PAOX: variants seen among roughly 807,000 people sequenced by gnomAD.
The protein encoded by PAOX is polyamine oxidase.
In PAOX, 38 loss-of-function variants were observed where a neutral mutation model predicts 39.0. That is an observed-to-expected ratio of 0.97 (90% CI 0.75 to 1.28). The LOEUF is 1.28. Among genes scored for constraint, PAOX ranks in the 50% most tolerant of loss-of-function variants. The probability of loss-of-function intolerance (pLI) is 0.00; values close to 1 mark genes in which losing one functional copy is unlikely to be tolerated. For synonymous variants in PAOX, 311 were observed against 314.4 expected, an observed-to-expected ratio of 0.99 and a Z score of 0.11; for missense variants, 667 against 685.7, an observed-to-expected ratio of 0.97 and a Z score of 0.30.
At chr10:133,383,674 A>C (rs1849457303) in intron 3 of PAOX, among the ~76,000 whole-genome samples, 1 of 150,156 alleles carries the variant, frequency 6.7e-6, no homozygotes, top group African/African-American at 2.5e-5. Context: ...TGGGGAACAG[A>C]GGCTCACGCC....
At chr10:133,385,664 A>G (rs1282598207) in intron 4 of PAOX, among the ~76,000 whole-genome samples, 2 of 152,166 alleles carry the variant, frequency 1.3e-5, no homozygotes, top group Non-Finnish European at 2.9e-5. Context: ...GCTCACTGCA[A>G]GCCCCACCTC....
At chr10:133,385,211 G>A (rs1393400247) in intron 4 of PAOX, among the ~76,000 whole-genome samples, 1 of 152,076 alleles carries the variant, frequency 6.6e-6, no homozygotes, top group Non-Finnish European at 1.5e-5. Flanking sequence ...CAGGACAATC[G>A]CTTGAACCTG....
intron 2 of PAOX, among the ~76,000 whole-genome samples, chr10:133,380,838 C>T (rs1215648786): frequency 4.6e-5 from 7 of 152,008 alleles, no homozygotes; most frequent in East Asian, 1.9e-4. Flanking sequence ...ATTAGCCGGG[C>T]GTGATGGTGC....
At chr10:133,383,308 A>G (rs1035420273) in intron 3 of PAOX, among the ~76,000 whole-genome samples, 1 of 152,206 alleles carries the variant, frequency 6.6e-6, no homozygotes, top group African/African-American at 2.4e-5. Context: ...GTGCACTTAA[A>G]AACACTTGTG....
Position 133,381,593 on chromosome 10 carries a change from G to C in PAOX, c.802G>C (p.Val268Leu). Reference sequence around the variant, plus strand: ...AGCCTTTCCCGGGGAGACCTTTCCAGTGTCGGTAGAGTGTGAGGATGGAGA... The same window carrying C: ...AGCCTTTCCCGGGGAGACCTTTCCACTGTCGGTAGAGTGTGAGGATGGAGA... Reference protein sequence around the residue: ...EAAFPGETFPVSVECEDGDRF... With the variant: ...EAAFPGETFPLSVECEDGDRF... The change falls in exon 3 of 7, where the codon GTG becomes CTG. Residue 268 changes from valine to leucine, a missense_variant. By Grantham distance (32) the Val-to-Leu change is conservative. Coordinates refer to ENST00000278060, the MANE Select transcript of PAOX (RefSeq NM_152911.4). The C allele has an allele frequency of 6.2e-7, 1 of 1,613,718 alleles. No individual in the cohort carries two copies. The highest frequency in any genetic ancestry group is 8.5e-7 in the Non-Finnish European group (1 of 1,180,046).
rs1422278460 is a variant in PAOX at position 133,389,463 on chromosome 10, T to C, written c.1235-127T>C. 15 of 1,369,428 alleles carry C rather than the reference T, an allele frequency of 1.1e-5. No individual in the cohort carries two copies. In the East Asian group the frequency reaches 2.8e-4, roughly 26 times the overall value. 84.8% of individuals were successfully genotyped at this position (1,369,428 alleles called of 1,614,324 possible). On this transcript the variant is annotated intron_variant, in intron 5 of 6. Coordinates refer to ENST00000278060, the MANE Select transcript of PAOX (RefSeq NM_152911.4). The stretch of plus-strand genomic sequence containing the variant: ...AGGAAGAGCCTCTCCTGACACACTC[T>C]GCTGCTCACTTTTCTTCCTGCATAG...
intron 6 of PAOX, chr10:133,390,902 A>G: frequency 3.0e-6 from 2 of 671,920 alleles, no homozygotes; most frequent in Non-Finnish European, 5.4e-6. Context: ...TGTTTTCTCT[A>G]AAAGCTGTTC....
rs1849465926 is a variant in PAOX at position 133,383,990 on chromosome 10, T to A, written c.899T>A (p.Phe300Tyr). 3 of 1,614,056 alleles carry A rather than the reference T, an allele frequency of 1.9e-6. No homozygotes were observed. The highest frequency in any genetic ancestry group is 2.5e-6 in the Non-Finnish European group (3 of 1,180,034). ...CTTAGGGAACATTTGGACACCTTCT[T>A]TGACCCTCCCCTGCCGGCTGAGAAG... ...GFLREHLDTF[F>Y]DPPLPAEKAE... Residue 300 changes from phenylalanine to tyrosine, a missense_variant, in exon 4 of 7, where the codon TTT becomes TAT. Phe to Tyr is a conservative substitution (Grantham distance 22). Coordinates refer to ENST00000278060, the MANE Select transcript of PAOX (RefSeq NM_152911.4).
In PAOX at chr10:133,380,427, GC is replaced by G; in HGVS notation, c.613del (p.Leu205TrpfsTer28). On this transcript the variant is annotated frameshift_variant, in exon 2 of 7. Transcript: ENST00000278060. LOFTEE classifies it high-confidence loss of function. ...VSGTHSMDLV[A>X]LAPFGEYTVL... ...CGGCACCCACAGCATGGACCTGGTG[GC>G]CCTGGCACCCTTTGGGGAGTATACC... 2 of 1,612,526 alleles carry G rather than the reference GC, an allele frequency of 1.2e-6. No individual in the cohort carries two copies. Among genetic ancestry groups the G allele is most frequent in the Non-Finnish European group, 1.7e-6 (2 of 1,180,014 alleles).
At position 133,384,560 on chromosome 10, in the gene PAOX, C is replaced by T. The variant is rs1320127266; in HGVS notation, c.1121+348C>T. Among the ~76,000 whole-genome samples the T allele has an allele frequency of 6.6e-6, 1 of 152,122 alleles. No individual in the cohort carries two copies. The highest frequency in any genetic ancestry group is 2.4e-5 in the African/African-American group (1 of 41,410). ...AACTTTGAAACACCATCTGCCCATA[C>T]GTGGGGAGACAATACTTAAATGGGA... On this transcript the variant is annotated intron_variant, in intron 4 of 6. Transcript: ENST00000278060. The surrounding 1 kb of genome is among the most constrained non-coding windows in gnomAD (Gnocchi z 4.3).
chr10:133,379,562 A>G, intron 1 of PAOX, 65 bp downstream of exon 1: 2 of 1,189,488 alleles, frequency 1.7e-6, no homozygotes, highest in Non-Finnish European at 2.1e-6. Context: ...GCCGGCCCCA[A>G]CCTGCCCTGC....
rs762711195 is a variant in PAOX at position 133,380,162 on chromosome 10, C to T, written c.345C>T (p.Tyr115=). The part of the protein sequence containing the change: ...GGHVGLPSVS[Y]ASSGASVSLQ... ...ACGTGGGCCTGCCCTCCGTGAGCTACGCCAGCTCCGGGGCCAGCGTGAGCC... is the reference window on the plus strand; with the variant it reads ...ACGTGGGCCTGCCCTCCGTGAGCTATGCCAGCTCCGGGGCCAGCGTGAGCC... The change falls in exon 2 of 7, where the codon TAC becomes TAT. Residue 115 remains tyrosine (Y), a synonymous_variant. Coordinates refer to ENST00000278060, the MANE Select transcript of PAOX (RefSeq NM_152911.4). The T allele has an allele frequency of 4.4e-6, 7 of 1,608,362 alleles. No individual in the cohort carries two copies. In the East Asian group the frequency reaches 1.3e-4, roughly 31 times the overall value.
intron 6 of PAOX, chr10:133,391,068 G>C: frequency 1.4e-6 from 1 of 698,068 alleles, no homozygotes; most frequent in Non-Finnish European, 2.6e-6. Flanking sequence ...GGATGCGTGT[G>C]AGCCGTTTTC....
chr10:133,388,048 C>T (rs900031376), intron 4 of PAOX, among the ~76,000 whole-genome samples: 1 of 152,124 alleles, frequency 6.6e-6, no homozygotes, highest in East Asian at 1.9e-4. Context: ...GACATGAACT[C>T]GAGGATCAAG....
chr10:133,381,679 C>T lies in PAOX; in HGVS notation c.868+20C>T, dbSNP rs1398103570. 1 of 1,610,978 alleles carries T rather than the reference C, an allele frequency of 6.2e-7. No homozygotes were observed. Among genetic ancestry groups the T allele is most frequent in the East Asian group, 2.2e-5 (1 of 44,858 alleles). On this transcript the variant is annotated intron_variant, in intron 3 of 6. Coordinates refer to ENST00000278060, the MANE Select transcript of PAOX (RefSeq NM_152911.4). The stretch of plus-strand genomic sequence containing the variant: ...CCTTAGGTAGGTCAGGTTTTCAGCC[C>T]AAACCCCCATCCCAAGTGCCCCCGC...
intron 6 of PAOX, among the ~76,000 whole-genome samples, chr10:133,390,146 C>T (rs1273406705): frequency 2.6e-5 from 4 of 152,124 alleles, no homozygotes; most frequent in Non-Finnish European, 5.9e-5. Flanking sequence ...CTTTCAGTGC[C>T]CACCAGGCTT....
Position 133,389,022 on chromosome 10 carries a change from TGAA to T in PAOX, c.1193_1195del (p.Glu398del), listed in dbSNP as rs1849598409. 3.1e-6 allele frequency: 5 copies of T among 1,614,224 alleles called. No homozygotes were observed. The highest frequency in any genetic ancestry group is 3.4e-6 in the Non-Finnish European group (4 of 1,180,044). On this transcript the variant is annotated inframe_deletion, in exon 5 of 7. Coordinates refer to ENST00000278060, the MANE Select transcript of PAOX (RefSeq NM_152911.4). The stretch of plus-strand genomic sequence containing the variant: ...CTGAGTTCATGGAGACTCTGTCGGA[TGAA>T]GAAGTACTTCTGTGTCTCACCCAAG...
At chr10:133,380,951 C>T (rs1849351077) in intron 2 of PAOX, among the ~76,000 whole-genome samples, 1 of 152,240 alleles carries the variant, frequency 6.6e-6, no homozygotes, top group South Asian at 2.1e-4. Context: ...GCACTCCAAC[C>T]TGGGCGACAG....
chr10:133,382,228 C>T (rs571517839), intron 3 of PAOX, among the ~76,000 whole-genome samples: 1 of 152,290 alleles, frequency 6.6e-6, no homozygotes, highest in East Asian at 1.9e-4. Flanking sequence ...TGGGAGGTGT[C>T]TGTCATTGTC....
Sources: gnomAD v4.1 joint callset for allele counts (sites outside exome capture counted in the v4.1 genomes callset) on GRCh38, gnomAD v4.1.1 for gene constraint, Gnocchi (gnomAD v3.1) non-coding constraint, MANE v1.5 for transcripts, NCBI Gene and HGNC (gene_info 2026-07-23, HGNC 2026-07-21) for gene names.